Variants in THSD4 observed in about 807,000 individuals in gnomAD.
THSD4 encodes the protein thrombospondin type 1 domain containing 4.
A neutral mutation model predicts 119.0 loss-of-function variants in THSD4; 69 were observed. The observed-to-expected ratio is 0.58, with a 90% CI of 0.48 to 0.71. The LOEUF is 0.71. THSD4 is among the 30% of genes least tolerant of loss of function. The pLI is 0.00. For missense variants in THSD4, 1,393 were observed against 1,391.1 expected, an observed-to-expected ratio of 1.00 and a Z score of -0.02; for synonymous variants, 524 against 540.4, an observed-to-expected ratio of 0.97 and a Z score of 0.42.
At position 71,485,577 on chromosome 15, in the gene THSD4, C is replaced by A. The variant is rs188024502; in HGVS notation, c.1152+73754C>A. 3.1e-4 allele frequency among the ~76,000 whole-genome samples: 47 copies of A among 152,092 alleles called. 1 individual carries two copies. The highest frequency in any genetic ancestry group is 2.9e-3 in the Admixed American group (44 of 15,268). On this transcript the variant is annotated intron_variant, in intron 7 of 17. Transcript: ENST00000261862. The stretch of plus-strand genomic sequence containing the variant: ...ATTTGATGTTACCAGCCTTGCTGGG[C>A]AGAAGGAGGCCTAAGGAAAATGGAA...
intron 7 of THSD4, among the ~76,000 whole-genome samples, chr15:71,514,033 T>C (rs929044358): frequency 6.6e-6 from 1 of 152,330 alleles, no homozygotes; most frequent in Non-Finnish European, 1.5e-5. Context: ...ACTTGTTTAC[T>C]TGCTTTATTT....
chr15:71,513,542 A>G (rs1239649082), intron 7 of THSD4, among the ~76,000 whole-genome samples: 1 of 151,980 alleles, frequency 6.6e-6, no homozygotes, highest in Non-Finnish European at 1.5e-5. Context: ...GCAAACGAAA[A>G]CCTCCTTGCA....
chr15:71,547,967 A>G (rs8023639), intron 7 of THSD4, among the ~76,000 whole-genome samples: 50,564 of 151,142 alleles, frequency 0.33, 9,031 homozygotes, highest in Admixed American at 0.39. Context: ...TCTATCATAG[A>G]TTTGAAGAGG....
At chr15:71,350,353 A>G (rs963326772) in intron 6 of THSD4, among the ~76,000 whole-genome samples, 9 of 151,710 alleles carry the variant, frequency 5.9e-5, no homozygotes, top group African/African-American at 2.2e-4. Context: ...TGAAGCAGAC[A>G]TTCTTGGTGG....
intron 8 of THSD4, among the ~76,000 whole-genome samples, chr15:71,721,027 G>A (rs1475664900): frequency 3.3e-5 from 5 of 152,216 alleles, no homozygotes; most frequent in Admixed American, 3.3e-4. Flanking sequence ...CTTTATTTTG[G>A]TTGTAGGAAC....
At chr15:71,599,883 G>A (rs138651976) in intron 7 of THSD4, among the ~76,000 whole-genome samples, 149 of 152,312 alleles carry the variant, frequency 9.8e-4, no homozygotes, top group African/African-American at 3.4e-3. Context: ...CCCAGTATGG[G>A]AAGCTCCTTT....
chr15:71,355,731 C>T (rs2045801363), intron 6 of THSD4, among the ~76,000 whole-genome samples: 1 of 152,090 alleles, frequency 6.6e-6, no homozygotes, highest in Admixed American at 6.6e-5. Flanking sequence ...GCAAGGGGCC[C>T]AAAGAGCGTG....
chr15:71,511,576 A>G (rs1264414289), intron 7 of THSD4, among the ~76,000 whole-genome samples: 1 of 152,084 alleles, frequency 6.6e-6, no homozygotes, highest in Admixed American at 6.5e-5. Context: ...CCCCCCTCCC[A>G]CTGCTTTTGT....
At chr15:71,756,385 G>A (rs775926462) in intron 14 of THSD4, among the ~76,000 whole-genome samples, 1 of 152,176 alleles carries the variant, frequency 6.6e-6, no homozygotes, top group African/African-American at 2.4e-5. Flanking sequence ...AAACTTGAAA[G>A]CAAATCAGAA....
chr15:71,143,534 G>C (rs2141373001), intron 2 of THSD4, among the ~76,000 whole-genome samples: 1 of 152,126 alleles, frequency 6.6e-6, no homozygotes, highest in East Asian at 1.9e-4. Flanking sequence ...CATGTGCTAA[G>C]CTTGTGTAAG....
At chr15:71,488,816 C>T (rs1214574875) in intron 7 of THSD4, among the ~76,000 whole-genome samples, 3 of 152,170 alleles carry the variant, frequency 2.0e-5, no homozygotes, top group Non-Finnish European at 4.4e-5. Context: ...AGTTAGCTAG[C>T]AGATTATGTA....
intron 7 of THSD4, among the ~76,000 whole-genome samples, chr15:71,622,244 A>G (rs1227218227): frequency 2.6e-5 from 4 of 152,210 alleles, no homozygotes; most frequent in Non-Finnish European, 4.4e-5. Flanking sequence ...AAACATTTTT[A>G]TTGATTCATC....
chr15:71,113,753 G>T (rs1186841633), upstream of THSD4: 1 of 152,114 alleles, frequency 6.6e-6, no homozygotes, highest in East Asian at 1.9e-4. Flanking sequence ...GCCACACTCG[G>T]CACTGAATAC....
chr15:71,713,486 C>T (rs991914916), intron 8 of THSD4, among the ~76,000 whole-genome samples: 1 of 152,200 alleles, frequency 6.6e-6, no homozygotes, highest in Non-Finnish European at 1.5e-5. Context: ...GTGGGGTTTA[C>T]ACAATCTTAC....
rs749116588 is a variant in THSD4, at chr15:71,771,082, G to T, written c.2788G>T (p.Gly930Cys). Residue 930 changes from glycine to cysteine, a missense_variant, in exon 17 of 18, where the codon GGT becomes TGT. By Grantham distance (159) the Gly-to-Cys change is radical (BLOSUM62 -3). Coordinates refer to ENST00000261862, the MANE Select transcript of THSD4 (RefSeq NM_024817.3). The stretch of plus-strand genomic sequence containing the variant: ...CATGCAGTGTTCCAAGAGCTGCCAG[G>T]GTGGCTTTCGGGTCCGGGAAGTGCG... The part of the protein sequence containing the change: ...EWSMCSKSCQ[G>C]GFRVREVRCL... The T allele has an allele frequency of 3.1e-6, 5 of 1,614,008 alleles. No homozygotes were observed. The highest frequency in any genetic ancestry group is 1.1e-5 in the South Asian group (1 of 91,078).
chr15:71,652,293 A>T (rs1445292803), intron 7 of THSD4, among the ~76,000 whole-genome samples: 1 of 152,214 alleles, frequency 6.6e-6, no homozygotes, highest in African/African-American at 2.4e-5. Context: ...ACACTAAAAA[A>T]TTACAATAAA....
rs939757213 is a variant in THSD4, at chr15:71,477,350, G to A, written c.1152+65527G>A. On this transcript the variant is annotated intron_variant, in intron 7 of 17. Transcript: ENST00000261862. Reference sequence around the variant, plus strand: ...TGCAAAACCGTGTTTAGAATGGTTCGAAGTTGCCCAGAGGAGTCCAGAGGT... The same window carrying A: ...TGCAAAACCGTGTTTAGAATGGTTCAAAGTTGCCCAGAGGAGTCCAGAGGT... 2.6e-5 allele frequency among the ~76,000 whole-genome samples: 4 copies of A among 152,268 alleles called. 1 individual carries two copies. In the South Asian group the frequency reaches 6.2e-4, roughly 24 times the overall value.
At chr15:71,736,386 A>T (rs1323478209) in intron 10 of THSD4, among the ~76,000 whole-genome samples, 56 of 93,450 alleles carry the variant, frequency 6.0e-4, no homozygotes, top group Middle Eastern at 0.01. Flanking sequence ...TCTCTCTCGC[A>T]CTCTGTCTCT....
At chr15:71,319,863 C>T (rs1027958273) in intron 6 of THSD4, among the ~76,000 whole-genome samples, 1 of 152,150 alleles carries the variant, frequency 6.6e-6, no homozygotes, top group Non-Finnish European at 1.5e-5. Flanking sequence ...ACAAGTGTTA[C>T]AAACACGTGA....
Sources: allele counts gnomAD v4.1 joint callset (sites outside exome capture counted in the v4.1 genomes callset), GRCh38; gene constraint gnomAD v4.1.1; transcripts MANE v1.5; gene names NCBI Gene and HGNC (gene_info 2026-07-23, HGNC 2026-07-21).